SAMMSON: variants seen among roughly 807,000 people sequenced by gnomAD.
SAMMSON encodes the protein survival associated mitochondrial melanoma specific oncogenic non-coding RNA, also known as long intergenic non-protein coding RNA 1212.
chr3:70,345,880 T>C (rs1257303150), intron 7 of SAMMSON, among the ~76,000 whole-genome samples: 4 of 152,246 alleles, frequency 2.6e-5, no homozygotes, highest in Admixed American at 6.5e-5. Context: ...AGTTTGATTA[T>C]ACATTCATCT....
downstream of SAMMSON, among the ~76,000 whole-genome samples, chr3:70,393,023 C>G (rs1343664807): frequency 1.3e-5 from 2 of 152,132 alleles, no homozygotes; most frequent in East Asian, 3.9e-4. Context: ...CAATTCCTAT[C>G]TCTTTCTGAA....
At chr3:70,294,842 G>C (rs746929225) in intron 7 of SAMMSON, among the ~76,000 whole-genome samples, 1 of 152,136 alleles carries the variant, frequency 6.6e-6, no homozygotes, top group South Asian at 2.1e-4. Context: ...CAAGCATCAC[G>C]TAGCAATTTG....
At chr3:70,388,152 T>G (rs1044881987) in intron 9 of SAMMSON, among the ~76,000 whole-genome samples, 1 of 152,172 alleles carries the variant, frequency 6.6e-6, no homozygotes, top group Admixed American at 6.6e-5. Flanking sequence ...AATATAGGCA[T>G]CTGCCTGTTC....
chr3:70,250,730 TCCTGGAAGCATC>T (rs1701757267), intron 6 of SAMMSON, among the ~76,000 whole-genome samples: 1 of 152,164 alleles, frequency 6.6e-6, no homozygotes, highest in African/African-American at 2.4e-5. Context: ...CTTTTGTTTG[TCCTGGAAGCATC>T]TTGCAATTTG....
chr3:70,026,466 A>T (rs1424529445), intron 3 of SAMMSON, among the ~76,000 whole-genome samples: 1 of 152,020 alleles, frequency 6.6e-6, no homozygotes, highest in East Asian at 1.9e-4. Context: ...CCTGCTGGTT[A>T]GTAAAGCTTT....
intron 4 of SAMMSON, among the ~76,000 whole-genome samples, chr3:70,243,337 TG>T (rs1446812558): frequency 6.6e-6 from 1 of 152,156 alleles, no homozygotes; most frequent in Non-Finnish European, 1.5e-5. Context: ...TCCTTAAAAT[TG>T]GGGTTGTATT....
chr3:70,288,636 T>C (rs1264041811), intron 6 of SAMMSON, among the ~76,000 whole-genome samples: 1 of 151,780 alleles, frequency 6.6e-6, no homozygotes, highest in Non-Finnish European at 1.5e-5. Flanking sequence ...GTCTCGTTGA[T>C]CCGTCTAATG....
At chr3:70,405,266 A>C (rs1266580537) in intron 2 of SAMMSON, among the ~76,000 whole-genome samples, 2 of 152,242 alleles carry the variant, frequency 1.3e-5, no homozygotes, top group African/African-American at 4.8e-5. Flanking sequence ...TGAAAGCCTA[A>C]AGCTTCACTG....
intron 4 of SAMMSON, among the ~76,000 whole-genome samples, chr3:70,131,160 A>G (rs2106674061): frequency 6.6e-6 from 1 of 152,364 alleles, no homozygotes; most frequent in African/African-American, 2.4e-5. Context: ...CCCAGAAGTC[A>G]GACGAGCTTT....
chr3:70,416,782 T>G (rs980811781), intron 2 of SAMMSON, among the ~76,000 whole-genome samples: 1 of 152,132 alleles, frequency 6.6e-6, no homozygotes, highest in African/African-American at 2.4e-5. Flanking sequence ...TTATAAGAAT[T>G]TTCCATAAAA....
chr3:70,203,106 G>A (rs1021819080), intron 4 of SAMMSON, among the ~76,000 whole-genome samples: 1 of 152,072 alleles, frequency 6.6e-6, no homozygotes, highest in Non-Finnish European at 1.5e-5. Flanking sequence ...CTTATCCTAA[G>A]TGGCAAGAAT....
intron 7 of SAMMSON, among the ~76,000 whole-genome samples, chr3:70,339,012 C>T (rs1413883393): frequency 2.0e-5 from 3 of 152,116 alleles, no homozygotes; most frequent in Admixed American, 6.5e-5. Flanking sequence ...TACTACAAGG[C>T]TACAGTAACC....
At chr3:70,258,960 T>C (rs1701841988) in intron 6 of SAMMSON, among the ~76,000 whole-genome samples, 1 of 152,144 alleles carries the variant, frequency 6.6e-6, no homozygotes, top group Non-Finnish European at 1.5e-5. Context: ...TTTAAATATA[T>C]ATTTGAAAAA....
intron 6 of SAMMSON, among the ~76,000 whole-genome samples, chr3:70,254,981 T>C (rs1173458147): frequency 6.6e-6 from 1 of 152,210 alleles, no homozygotes; most frequent in Non-Finnish European, 1.5e-5. Flanking sequence ...TGACCAGTAA[T>C]AGACTGATGG....
In SAMMSON at chr3:70,301,150, G is replaced by C. The variant is rs903919808; in HGVS notation, n.739+9907G>C. Among the ~76,000 whole-genome samples, 5 of 152,134 alleles carry C rather than the reference G, an allele frequency of 3.3e-5. No homozygotes were observed. The East Asian group carries it at 9.7e-4, about 29-fold the overall frequency. ...AAAAGTTCTTTTCTTCTGAGACACA[G>C]CTGTAAAAAATTTAAGTTAATATTT... On this transcript the variant is annotated intron_variant and non_coding_transcript_variant, in intron 7 of 9. Coordinates refer to ENST00000642114, the Ensembl canonical transcript of SAMMSON.
intron 4 of SAMMSON, among the ~76,000 whole-genome samples, chr3:70,243,011 G>A (rs1461424502): frequency 2.6e-5 from 4 of 152,130 alleles, no homozygotes; most frequent in South Asian, 2.1e-4. Flanking sequence ...CGATATAACC[G>A]TTTTGTGACA....
At chr3:70,006,373 G>T (rs2066926460) in intron 1 of SAMMSON, among the ~76,000 whole-genome samples, 2 of 152,134 alleles carry the variant, frequency 1.3e-5, no homozygotes, top group African/African-American at 4.8e-5. Context: ...TGTATTAAGG[G>T]CCCGCCCTTC....
intron 4 of SAMMSON, among the ~76,000 whole-genome samples, chr3:70,194,508 T>A (rs2106714188): frequency 6.6e-6 from 1 of 152,332 alleles, no homozygotes; most frequent in East Asian, 1.9e-4. Flanking sequence ...GTTTTATTAT[T>A]GGTTATAAAG....
At chr3:70,045,087 AT>A (rs67019519) in intron 3 of SAMMSON, among the ~76,000 whole-genome samples, 49,837 of 115,218 alleles carry the variant, frequency 0.43, 11,185 homozygotes, top group East Asian at 0.62. Flanking sequence ...AATATATATA[AT>A]TAATTATAAT....
Sources: allele counts gnomAD v4.1 joint callset (sites outside exome capture counted in the v4.1 genomes callset), GRCh38; gene constraint gnomAD v4.1.1; transcripts MANE v1.5; gene names NCBI Gene and HGNC (gene_info 2026-07-23, HGNC 2026-07-21).